Variants in CDC42BPA observed in about 807,000 individuals in gnomAD.
CDC42BPA encodes serine/threonine-protein kinase MRCK alpha.
CDC42BPA carries 80 observed loss-of-function variants against 223.5 expected under a neutral mutation model. The observed-to-expected ratio is 0.36, with a 90% CI of 0.30 to 0.43. The LOEUF (loss-of-function observed/expected upper bound fraction) is 0.43. Ranked by LOEUF, CDC42BPA falls within the 20% of genes least tolerant of loss-of-function variation. The pLI, the probability that CDC42BPA is intolerant of heterozygous loss-of-function variation, is 1.00. For synonymous variants in CDC42BPA, 694 were observed against 718.6 expected, an observed-to-expected ratio of 0.97 and a Z score of 0.55; for missense variants, 1,743 against 2,099.9, an observed-to-expected ratio of 0.83 and a Z score of 3.32.
intron 14 of CDC42BPA, among the ~76,000 whole-genome samples, chr1:227,109,810 G>A (rs181695523): frequency 3.3e-5 from 5 of 151,258 alleles, no homozygotes; most frequent in South Asian, 2.1e-4. Context: ...TCATCAAGAC[G>A]TTACTAGATG....
intron 5 of CDC42BPA, among the ~76,000 whole-genome samples, chr1:227,180,263 T>G (rs993905495): frequency 3.9e-5 from 6 of 152,246 alleles, no homozygotes; most frequent in Non-Finnish European, 8.8e-5. Context: ...AAGAAGGAAT[T>G]CTCAATTTTT....
intron 6 of CDC42BPA, among the ~76,000 whole-genome samples, chr1:227,152,481 G>A (rs1362042500): frequency 2.0e-5 from 3 of 152,030 alleles, no homozygotes; most frequent in Admixed American, 6.5e-5. Context: ...CAGAAAAACC[G>A]ATAAACTCTA....
intron 4 of CDC42BPA, among the ~76,000 whole-genome samples, chr1:227,195,470 C>T (rs918952241): frequency 6.8e-6 from 1 of 146,600 alleles, no homozygotes; most frequent in African/African-American, 2.5e-5. Context: ...GCCACCACGT[C>T]GGGGTACCCT....
intron 1 of CDC42BPA, among the ~76,000 whole-genome samples, chr1:227,278,225 T>C (rs1687442754): frequency 6.6e-6 from 1 of 152,250 alleles, no homozygotes; most frequent in Non-Finnish European, 1.5e-5. Context: ...AGCAATGTAC[T>C]GCCTTGAACA....
In CDC42BPA at chr1:226,990,005, T is replaced by C. The variant is rs1660523816; in HGVS notation, c.*4263A>G. The C allele has an allele frequency of 6.5e-6, 1 of 152,760 alleles. No homozygotes were observed. The highest frequency in any genetic ancestry group is 2.1e-4 in the South Asian group (1 of 4,826). 9.5% of individuals were successfully genotyped at this position (152,760 alleles called of 1,614,324 possible). A position where few individuals can be genotyped will look rare whatever the true frequency, so the allele number is the denominator to read the frequency against. ...TTTCTGTGCAAAAGAATCCACATCATTGTTTGGTAGCAGAGGATCTCTTAA... is the reference window on the plus strand; with the variant it reads ...TTTCTGTGCAAAAGAATCCACATCACTGTTTGGTAGCAGAGGATCTCTTAA... On this transcript the variant is annotated 3_prime_UTR_variant, in exon 37 of 37. Transcript: ENST00000366766.
At chr1:227,272,853 T>G (rs970802005) in intron 1 of CDC42BPA, among the ~76,000 whole-genome samples, 1 of 152,200 alleles carries the variant, frequency 6.6e-6, no homozygotes, top group Non-Finnish European at 1.5e-5. Flanking sequence ...GGTTTCAGAG[T>G]CAGAAAAAGT....
At position 227,145,478 on chromosome 1, in the gene CDC42BPA, G is replaced by T. The variant is rs777407190; in HGVS notation, c.1143+11C>A. On this transcript the variant is annotated intron_variant, in intron 8 of 36. Coordinates refer to ENST00000366766, the MANE Select transcript of CDC42BPA (RefSeq NM_001394014.1). ...CAGAGGGACAGAACTTCTTCACAGT[G>T]TCATACTTACAGAATTTTTTAAACA... 6.2e-7 allele frequency: 1 copy of T among 1,610,230 alleles called. No individual in the cohort carries two copies. Among genetic ancestry groups the T allele is most frequent in the South Asian group, 1.1e-5 (1 of 90,542 alleles).
chr1:227,211,091 C>T (rs888800526), intron 3 of CDC42BPA, among the ~76,000 whole-genome samples: 17 of 152,058 alleles, frequency 1.1e-4, no homozygotes, highest in African/African-American at 3.9e-4. Context: ...AACTCAATCT[C>T]GGTATTTACT....
intron 3 of CDC42BPA, among the ~76,000 whole-genome samples, chr1:227,205,159 C>T (rs1489751491): frequency 6.6e-6 from 1 of 150,716 alleles, no homozygotes; most frequent in African/African-American, 2.4e-5. Flanking sequence ...CAGCCAGCTA[C>T]TTGGGAGGGT....
At chr1:227,163,221 T>C (rs567345039) in intron 5 of CDC42BPA, among the ~76,000 whole-genome samples, 1 of 152,060 alleles carries the variant, frequency 6.6e-6, no homozygotes, top group Non-Finnish European at 1.5e-5. Context: ...TGTGTGTATA[T>C]ATGTTTCTAA....
intron 1 of CDC42BPA, among the ~76,000 whole-genome samples, chr1:227,295,402 A>C (rs1418009612): frequency 6.6e-6 from 1 of 151,942 alleles, no homozygotes; most frequent in Non-Finnish European, 1.5e-5. Flanking sequence ...CAAGTGATCC[A>C]CCCACCTCAG....
chr1:227,136,365 C>T (rs1160221980), intron 10 of CDC42BPA, among the ~76,000 whole-genome samples: 2 of 151,936 alleles, frequency 1.3e-5, no homozygotes, highest in African/African-American at 2.4e-5. Flanking sequence ...ACAGAAAGAA[C>T]GGAAGGAACA....
intron 30 of CDC42BPA, among the ~76,000 whole-genome samples, chr1:227,027,921 A>G (rs1668567974): frequency 6.6e-6 from 1 of 152,162 alleles, no homozygotes; most frequent in Admixed American, 6.5e-5. Context: ...ATTTGAGACC[A>G]GCCTGAACAA....
At chr1:227,058,241 CATT>C (rs1675005492) in intron 21 of CDC42BPA, among the ~76,000 whole-genome samples, 1 of 152,158 alleles carries the variant, frequency 6.6e-6, no homozygotes, top group Non-Finnish European at 1.5e-5. Context: ...AATGCTTATT[CATT>C]ATTAAGCTGT....
intron 2 of CDC42BPA, among the ~76,000 whole-genome samples, chr1:227,253,276 G>GCA (rs747691221): frequency 2.0e-5 from 3 of 152,104 alleles, no homozygotes; most frequent in African/African-American, 7.2e-5. Flanking sequence ...GAGCGCGCGC[G>GCA]CGTGCGCGTG....
chr1:227,243,947 T>C (rs529138663), intron 2 of CDC42BPA, among the ~76,000 whole-genome samples: 4 of 151,086 alleles, frequency 2.6e-5, no homozygotes, highest in South Asian at 4.2e-4. Context: ...TGTTCAAATG[T>C]AGGCGCTATC....
At chr1:227,283,531 A>G (rs1291983157) in intron 1 of CDC42BPA, among the ~76,000 whole-genome samples, 1 of 152,200 alleles carries the variant, frequency 6.6e-6, no homozygotes, top group Admixed American at 6.5e-5. Context: ...TGCTATAATT[A>G]TATTTATTTT....
chr1:227,121,665 T>A (rs1050720954), intron 11 of CDC42BPA, among the ~76,000 whole-genome samples: 8 of 152,214 alleles, frequency 5.3e-5, no homozygotes, highest in Admixed American at 2.0e-4. Context: ...TTCAGAAAAC[T>A]GTATTTTATC....
chr1:227,243,784 A>G (rs528462845), intron 2 of CDC42BPA, among the ~76,000 whole-genome samples: 307 of 149,902 alleles, frequency 2.0e-3, no homozygotes, highest in African/African-American at 7.5e-3. Context: ...ACACACACAC[A>G]CACACACACG....
Sources: gnomAD v4.1 joint callset for allele counts (sites outside exome capture counted in the v4.1 genomes callset) on GRCh38, gnomAD v4.1.1 for gene constraint, MANE v1.5 for transcripts, NCBI Gene and HGNC (gene_info 2026-07-23, HGNC 2026-07-21) for gene names.